Variants in PTPRD observed in about 807,000 individuals in gnomAD.
The protein encoded by PTPRD is protein tyrosine phosphatase receptor type D.
In PTPRD, 34 loss-of-function variants were observed where a neutral mutation model predicts 214.5. The observed-to-expected ratio is 0.16, with a 90% confidence interval of 0.12 to 0.21. PTPRD has a LOEUF of 0.21. PTPRD is among the 10% of genes least tolerant of loss of function. PTPRD has a pLI of 1.00. For missense variants in PTPRD, 2,545 were observed against 2,398.7 expected (o/e 1.06, Z -1.27); for synonymous variants, 1,128 against 845.7 (o/e 1.33, Z -5.79).
chr9:10,031,647 T>TATACACACACACACACACAC, intron 4 of PTPRD, among the ~76,000 whole-genome samples: 4 of 89,618 alleles, frequency 4.5e-5, no homozygotes, highest in Non-Finnish European at 3.8e-5. Flanking sequence ...TATATATATA[T>TATACACACACACACACACAC]ACACACACAC....
At chr9:8,416,556 A>G (rs1304444528) in intron 35 of PTPRD, among the ~76,000 whole-genome samples, 2 of 152,154 alleles carry the variant, frequency 1.3e-5, no homozygotes, top group African/African-American at 2.4e-5. Flanking sequence ...GTAGGACTCA[A>G]CACTCTGGAG....
intron 5 of PTPRD, among the ~76,000 whole-genome samples, chr9:9,889,095 G>A (rs1601037896): frequency 6.6e-6 from 1 of 152,250 alleles, no homozygotes; most frequent in Non-Finnish European, 1.5e-5. Flanking sequence ...AGAGTAGAAT[G>A]ATGGTTGCCA....
intron 2 of PTPRD, among the ~76,000 whole-genome samples, chr9:10,482,668 C>A (rs938530697): frequency 2.6e-5 from 4 of 152,064 alleles, no homozygotes; most frequent in African/African-American, 9.7e-5. Context: ...TATACACCAA[C>A]AATGACCAAG....
At chr9:9,243,298 G>A (rs6477380) in intron 9 of PTPRD, among the ~76,000 whole-genome samples, 33,911 of 152,016 alleles carry the variant, frequency 0.22, 4,151 homozygotes, top group East Asian at 0.36. Context: ...TATGAGGTCA[G>A]CATCATCCCG....
At chr9:9,150,422 CATAATATATTATAT>C (rs1003442183) in intron 10 of PTPRD, among the ~76,000 whole-genome samples, 2 of 147,198 alleles carry the variant, frequency 1.4e-5, no homozygotes, top group Non-Finnish European at 3.0e-5. Context: ...TATAAAAATA[CATAATATATTATAT>C]ATAATATATA....
chr9:10,444,498 G>A (rs1195265306), intron 2 of PTPRD, among the ~76,000 whole-genome samples: 1 of 151,716 alleles, frequency 6.6e-6, no homozygotes, highest in Non-Finnish European at 1.5e-5. Context: ...GAGGTTGTAG[G>A]ACATGTGATA....
At chr9:9,744,245 A>G (rs2098436729) in intron 6 of PTPRD, among the ~76,000 whole-genome samples, 1 of 152,142 alleles carries the variant, frequency 6.6e-6, no homozygotes, top group Non-Finnish European at 1.5e-5. Context: ...AAGTCTTCTA[A>G]TTGGAAATAC....
intron 14 of PTPRD, among the ~76,000 whole-genome samples, chr9:8,536,495 C>T (rs2076964451): frequency 6.6e-6 from 1 of 151,472 alleles, no homozygotes; most frequent in Non-Finnish European, 1.5e-5. Flanking sequence ...CTTCTCATTC[C>T]CTCAGGATTG....
chr9:8,982,412 A>G (rs187603887), intron 11 of PTPRD, among the ~76,000 whole-genome samples: 24 of 152,098 alleles, frequency 1.6e-4, no homozygotes, highest in Admixed American at 1.0e-3. Flanking sequence ...CAACAAGAAT[A>G]ACTTTTTATC....
chr9:10,130,367 G>C (rs1006929919), intron 3 of PTPRD, among the ~76,000 whole-genome samples: 12 of 151,894 alleles, frequency 7.9e-5, no homozygotes, highest in Admixed American at 7.2e-4. Flanking sequence ...CCAAATTTTA[G>C]TACAAAGCCC....
chr9:8,429,155 T>C (rs2094885206), intron 35 of PTPRD, among the ~76,000 whole-genome samples: 1 of 152,212 alleles, frequency 6.6e-6, no homozygotes, highest in South Asian at 2.1e-4. Flanking sequence ...AATATTTTGA[T>C]CTAGTTTGAT....
chr9:9,282,038 T>C (rs1947887597), intron 9 of PTPRD, among the ~76,000 whole-genome samples: 1 of 151,300 alleles, frequency 6.6e-6, no homozygotes, highest in Non-Finnish European at 1.5e-5. Context: ...TCCACCTATA[T>C]AAATTTCTAG....
intron 8 of PTPRD, among the ~76,000 whole-genome samples, chr9:9,429,085 A>G (rs1157985616): frequency 2.0e-5 from 3 of 152,178 alleles, no homozygotes; most frequent in African/African-American, 7.2e-5. Context: ...GAGACACAAA[A>G]AACCCTTCAA....
At chr9:9,154,895 A>G (rs1422844030) in intron 10 of PTPRD, among the ~76,000 whole-genome samples, 1 of 152,152 alleles carries the variant, frequency 6.6e-6, no homozygotes, top group African/African-American at 2.4e-5. Context: ...GAATTTTTTA[A>G]TTTGCTATAG....
chr9:9,473,957 T>A (rs2094823771), intron 8 of PTPRD, among the ~76,000 whole-genome samples: 2 of 152,028 alleles, frequency 1.3e-5, no homozygotes, highest in South Asian at 4.1e-4. Flanking sequence ...TACGGAAGCT[T>A]TTTTGTTTGA....
intron 9 of PTPRD, among the ~76,000 whole-genome samples, chr9:9,196,861 C>G (rs778639886): frequency 6.6e-6 from 1 of 152,178 alleles, no homozygotes; most frequent in African/African-American, 2.4e-5. Context: ...TTGCTACCAA[C>G]TGGCCTGGCT....
chr9:8,684,152 G>C (rs2097621565), intron 12 of PTPRD, among the ~76,000 whole-genome samples: 1 of 152,136 alleles, frequency 6.6e-6, no homozygotes, highest in Non-Finnish European at 1.5e-5. Flanking sequence ...GATAGTAACA[G>C]ATGTCTTTTT....
At chr9:10,139,050 G>T (rs985833054) in intron 3 of PTPRD, among the ~76,000 whole-genome samples, 1 of 151,822 alleles carries the variant, frequency 6.6e-6, no homozygotes, top group Non-Finnish European at 1.5e-5. Context: ...GAGAAATCAA[G>T]CAAGAGAAAA....
intron 9 of PTPRD, among the ~76,000 whole-genome samples, chr9:9,275,082 A>ATATAAT (rs1491518255): frequency 3.0e-5 from 2 of 65,828 alleles, no homozygotes; most frequent in Non-Finnish European, 5.8e-5. Context: ...ATATATATAT[A>ATATAAT]ATATATATGT....
Sources: allele counts gnomAD v4.1 joint callset (sites outside exome capture counted in the v4.1 genomes callset), GRCh38; gene constraint gnomAD v4.1.1; transcripts MANE v1.5; gene names NCBI Gene and HGNC (gene_info 2026-07-23, HGNC 2026-07-21).